The following CEACAM19 variants were observed in gnomAD, a reference collection of about 807,000 sequenced individuals.
CEACAM19 encodes the protein cell adhesion molecule CEACAM19.
Under a neutral mutation model 37.6 loss-of-function variants are expected in CEACAM19, and 37 were observed. The observed-to-expected ratio is 0.98, with a 90% CI of 0.76 to 1.29. CEACAM19 has a LOEUF of 1.29. Ranked by LOEUF, CEACAM19 falls within the 50% of genes most tolerant of loss-of-function variation. The pLI is 0.00. For synonymous variants in CEACAM19, 140 were observed against 149.8 expected (o/e 0.93, Z 0.48); for missense variants, 340 against 375.6 (o/e 0.91, Z 0.78).
intron 3 of CEACAM19, 30 bp from the exon 4 acceptor site, chr19:44,678,823 C>G (rs200616815): frequency 6.2e-7 from 1 of 1,610,224 alleles, no homozygotes; most frequent in South Asian, 1.1e-5. Context: ...TGCTTTATTC[C>G]AATTTTCTTC....
At chr19:44,668,589 TTATA>T (rs1262805990), upstream of CEACAM19, among the ~76,000 whole-genome samples, 76 of 60,006 alleles carry the variant, frequency 1.3e-3, no homozygotes, top group Non-Finnish European at 2.0e-3. Context: ...AATTATATAA[TTATA>T]TACACATATT....
At chr19:44,682,693 G>C (rs1191647408) in intron 7 of CEACAM19, 73 bp downstream of exon 7, 1 of 1,413,966 alleles carries the variant, frequency 7.1e-7, no homozygotes, top group Non-Finnish European at 9.6e-7. Context: ...GGGTGGGGAG[G>C]GGTCAAGACA....
intron 3 of CEACAM19, chr19:44,677,850 T>G (rs1184186097): frequency 6.6e-6 from 1 of 152,026 alleles, no homozygotes; most frequent in Non-Finnish European, 1.5e-5. Context: ...TAATTTTTTG[T>G]ATTTTAGTAG....
chr19:44,683,812 G>A lies in CEACAM19; in HGVS notation c.*322G>A. 1.0e-5 allele frequency: 3 copies of A among 292,862 alleles called. No homozygotes were observed. The highest frequency in any genetic ancestry group is 1.9e-5 in the Non-Finnish European group (3 of 158,344). 18.1% of individuals were successfully genotyped at this position (292,862 alleles called of 1,614,324 possible). A position where few individuals can be genotyped will look rare whatever the true frequency, so the allele number is the denominator to read the frequency against. Reference sequence around the variant, plus strand: ...AGTCCCCCAAGATCTGGATATCTGGGGACAAGATGGTGGCCTCAGGCCTGC... The same window carrying A: ...AGTCCCCCAAGATCTGGATATCTGGAGACAAGATGGTGGCCTCAGGCCTGC... On this transcript the variant is annotated 3_prime_UTR_variant, in exon 8 of 8. Coordinates refer to ENST00000358777, the MANE Select transcript of CEACAM19 (RefSeq NM_001127893.3).
rs768194567 is a variant in CEACAM19, at chr19:44,678,925, G to A, written c.648G>A (p.Thr216=). 6.2e-6 allele frequency: 10 copies of A among 1,613,910 alleles called. No homozygotes were observed. The East Asian group carries it at 1.3e-4, about 22-fold the overall frequency. ...CSAVSPVPSV[T]PSTWMATTEK... is the part of the protein sequence containing the mutation. ...CTGTATCCCCAGTGCCTTCAGTGAC[G>A]CCCAGCACATGGTTGGTGCTTGTAA... Residue 216 remains threonine, a synonymous_variant, in exon 4 of 8, where the codon ACG becomes ACA. Coordinates refer to ENST00000358777, the MANE Select transcript of CEACAM19 (RefSeq NM_001127893.3).
Position 44,681,290 on chromosome 19 carries a change from CAAGGT to C in CEACAM19, c.771_775del (p.Arg258HisfsTer78). ...CTCCTGGTGTCCCCCATCAGTGACA[CAAGGT>C]CCATAAACCCAGCCCGGGTGAGTCC... On this transcript the variant is annotated frameshift_variant, in exon 6 of 8. Coordinates refer to ENST00000358777, the MANE Select transcript of CEACAM19 (RefSeq NM_001127893.3). LOFTEE classifies it high-confidence loss of function. 6.2e-7 allele frequency: 1 copy of C among 1,614,022 alleles called. No homozygotes were observed. The highest frequency in any genetic ancestry group is 8.5e-7 in the Non-Finnish European group (1 of 1,179,944).
chr19:44,678,707 A>G (rs1245646259), intron 3 of CEACAM19, 146 bp from the exon 4 acceptor site: 22 of 1,169,928 alleles, frequency 1.9e-5, no homozygotes, highest in Non-Finnish European at 2.4e-5. Flanking sequence ...CACTGAGCCC[A>G]ATTACTATTT....
chr19:44,675,609 C>T (rs886625803), intron 2 of CEACAM19, among the ~76,000 whole-genome samples: 1 of 151,882 alleles, frequency 6.6e-6, no homozygotes, highest in African/African-American at 2.4e-5. Context: ...AATTTAGTGA[C>T]ACCCCTTCTT....
At chr19:44,668,705 TTA>T (rs1169379055), upstream of CEACAM19, among the ~76,000 whole-genome samples, 3 of 100,562 alleles carry the variant, frequency 3.0e-5, no homozygotes, top group African/African-American at 8.5e-5. Flanking sequence ...ATATATTATA[TTA>T]TATATTATAA....
chr19:44,672,208 C>G (rs1478342871), intron 1 of CEACAM19, among the ~76,000 whole-genome samples: 1 of 152,062 alleles, frequency 6.6e-6, no homozygotes, highest in Non-Finnish European at 1.5e-5. Flanking sequence ...TGGTTCCCTG[C>G]TATATCTCCA....
chr19:44,676,510 C>A lies in CEACAM19; in HGVS notation c.575+89C>A. Reference sequence around the variant, plus strand: ...CTTCCACAAGTCACATCATCCGGCTCATACACAATCTCATCAAATCTTGGA... The same window carrying A: ...CTTCCACAAGTCACATCATCCGGCTAATACACAATCTCATCAAATCTTGGA... On this transcript the variant is annotated intron_variant, in intron 3 of 7. Coordinates refer to ENST00000358777, the MANE Select transcript of CEACAM19 (RefSeq NM_001127893.3). 2.3e-6 allele frequency: 3 copies of A among 1,291,504 alleles called. No homozygotes were observed. In the South Asian group the frequency reaches 3.8e-5, roughly 16 times the overall value. The allele number at this position is 1,291,504 out of a possible 1,614,324, so 80.0% of individuals were successfully genotyped here.
upstream of CEACAM19, among the ~76,000 whole-genome samples, chr19:44,667,730 T>TTA (rs1233234990): frequency 5.5e-3 from 407 of 74,258 alleles, 8 homozygotes; most frequent in African/African-American, 0.025. Context: ...AATTATATAT[T>TTA]TATATATATA....
chr19:44,679,699 A>C (rs1974019439), intron 4 of CEACAM19, among the ~76,000 whole-genome samples: 1 of 152,006 alleles, frequency 6.6e-6, no homozygotes, highest in Admixed American at 6.6e-5. Flanking sequence ...TAGTGAGCCG[A>C]GATTGCACCA....
Position 44,683,458 on chromosome 19 carries a change from GC to G in CEACAM19, c.873del (p.Tyr292ThrfsTer68). 1 of 1,562,924 alleles carries G rather than the reference GC, an allele frequency of 6.4e-7. No individual in the cohort carries two copies. Among genetic ancestry groups the G allele is most frequent in the Non-Finnish European group, 8.7e-7 (1 of 1,151,568 alleles). On this transcript the variant is annotated frameshift_variant, in exon 8 of 8. Coordinates refer to ENST00000358777, the MANE Select transcript of CEACAM19 (RefSeq NM_001127893.3). LOFTEE classifies it high-confidence loss of function. ...GCAGGACCTGCTAAACCCCGACCCT[GC>G]CCCCTACTGCCAGCTGGTGCCAACT... ...QYQDLLNPDPAPYCQLVPTS is the reference protein window; with the variant it reads ...QYQDLLNPDPXPYCQLVPTS
chr19:44,671,191 G>A (rs1973849674), upstream of CEACAM19: 1 of 152,072 alleles, frequency 6.6e-6, no homozygotes, highest in African/African-American at 2.4e-5. Flanking sequence ...GCGCGATCTC[G>A]GCTCCCTGCA....
chr19:44,672,771 A>G lies in CEACAM19; in HGVS notation c.231A>G (p.Leu77=), dbSNP rs1599786879. Residue 77 remains leucine (L), a synonymous_variant, in exon 2 of 8, where the codon CTA becomes CTG. Transcript: ENST00000358777. ...LGEETYGGTR[L]FTYIPGIQRP... ...AGGAGACGTACGGAGGCACGAGGCT[A>G]TTTACCTACATCCCTGGGATACAAC... 3.8e-6 allele frequency: 6 copies of G among 1,581,406 alleles called. No homozygotes were observed. The highest frequency in any genetic ancestry group is 3.6e-5 in the Admixed American group (2 of 55,558).
chr19:44,668,589 TTA>T (rs1262805990), upstream of CEACAM19, among the ~76,000 whole-genome samples: 2 of 60,008 alleles, frequency 3.3e-5, no homozygotes, highest in African/African-American at 6.6e-5. Context: ...AATTATATAA[TTA>T]TATACACATA....
chr19:44,678,649 G>GA (rs1320222690), intron 3 of CEACAM19: 1 of 553,258 alleles, frequency 1.8e-6, no homozygotes, highest in Non-Finnish European at 3.0e-6. Flanking sequence ...GAACTCAGGT[G>GA]ATCTGCCCAC....
At chr19:44,671,303 G>C (rs1031925728), upstream of CEACAM19, 9 of 171,574 alleles carry the variant, frequency 5.2e-5, no homozygotes, top group East Asian at 4.4e-4. Context: ...TGTATTTTTA[G>C]TAGAGACAGG....
Sources: gnomAD v4.1 joint callset for allele counts (sites outside exome capture counted in the v4.1 genomes callset) on GRCh38, gnomAD v4.1.1 for gene constraint, MANE v1.5 for transcripts, NCBI Gene and HGNC (gene_info 2026-07-23, HGNC 2026-07-21) for gene names.